The following AAMDC variants were observed in gnomAD, a reference collection of about 807,000 sequenced individuals.
AAMDC encodes the protein mth938 domain-containing protein.
A neutral mutation model predicts 15.5 loss-of-function variants in AAMDC; 16 were observed. That is an observed-to-expected ratio of 1.03 (90% confidence interval 0.70 to 1.57). The LOEUF (loss-of-function observed/expected upper bound fraction) is 1.57, where lower values mean the gene tolerates loss of function less well. Ranked by LOEUF, AAMDC falls within the 40% of genes most tolerant of loss-of-function variation. The pLI is 0.00. For missense variants in AAMDC, 141 were observed against 144.9 expected (o/e 0.97, Z 0.14); for synonymous variants, 51 against 51.6 (o/e 0.99, Z 0.05).
chr11:77,884,068 T>C, intron 5 of AAMDC: 4 of 1,053,400 alleles, frequency 3.8e-6, no homozygotes, highest in Non-Finnish European at 5.5e-6. Flanking sequence ...CCAACTTTAC[T>C]AAGATTGAGC....
At chr11:77,832,831 A>G (rs1053790443) in intron 1 of AAMDC, among the ~76,000 whole-genome samples, 15 of 151,706 alleles carry the variant, frequency 9.9e-5, no homozygotes, top group African/African-American at 3.6e-4. Context: ...AGCAGTCCCT[A>G]ACCTTTTTGG....
At chr11:77,862,166 G>A (rs1223849402) in intron 2 of AAMDC, among the ~76,000 whole-genome samples, 1 of 152,086 alleles carries the variant, frequency 6.6e-6, no homozygotes, top group Non-Finnish European at 1.5e-5. Flanking sequence ...TCCCAGTGAG[G>A]GTCTACACTG....
intron 1 of AAMDC, among the ~76,000 whole-genome samples, chr11:77,834,757 A>C (rs1027279937): frequency 6.6e-6 from 1 of 152,114 alleles, no homozygotes; most frequent in Non-Finnish European, 1.5e-5. Context: ...CTAGGAAAAG[A>C]CTGAATAAGT....
intron 1 of AAMDC, among the ~76,000 whole-genome samples, chr11:77,836,449 A>G (rs918162526): frequency 2.6e-5 from 4 of 152,164 alleles, no homozygotes; most frequent in African/African-American, 9.7e-5. Flanking sequence ...ATCCATTTCC[A>G]AGCCAAAAAG....
At chr11:77,833,560 C>T (rs1323381669) in intron 1 of AAMDC, among the ~76,000 whole-genome samples, 1 of 152,184 alleles carries the variant, frequency 6.6e-6, no homozygotes, top group African/African-American at 2.4e-5. Context: ...CTGCTGCTTA[C>T]CTCCTGTTGT....
intron 5 of AAMDC, among the ~76,000 whole-genome samples, chr11:77,899,660 G>C (rs745451592): frequency 9.3e-5 from 14 of 150,818 alleles, no homozygotes; most frequent in Non-Finnish European, 2.1e-4. Context: ...ACAAGAGCGA[G>C]ACTTTGTCTA....
At chr11:77,827,937 C>A (rs1949253827) in intron 1 of AAMDC, among the ~76,000 whole-genome samples, 2 of 152,226 alleles carry the variant, frequency 1.3e-5, no homozygotes, top group South Asian at 4.2e-4. Context: ...GATAAATACT[C>A]AAAAATCCTG....
chr11:77,865,794 T>C (rs1400539955), intron 2 of AAMDC, among the ~76,000 whole-genome samples: 1 of 152,260 alleles, frequency 6.6e-6, no homozygotes, highest in African/African-American at 2.4e-5. Context: ...ATTCCACTTG[T>C]ATGAAATGTT....
At chr11:77,892,829 C>T (rs549668904) in intron 5 of AAMDC, among the ~76,000 whole-genome samples, 3 of 152,244 alleles carry the variant, frequency 2.0e-5, no homozygotes, top group East Asian at 3.9e-4. Context: ...GTGATCCACC[C>T]GCCTCAGCCT....
intron 5 of AAMDC, chr11:77,894,175 C>T: frequency 1.7e-6 from 1 of 599,936 alleles, no homozygotes; most frequent in South Asian, 2.1e-5. Flanking sequence ...CAGATGATAG[C>T]TTGGCTGCAC....
At chr11:77,889,709 G>A (rs1292910306) in intron 5 of AAMDC, among the ~76,000 whole-genome samples, 1 of 152,190 alleles carries the variant, frequency 6.6e-6, no homozygotes, top group Non-Finnish European at 1.5e-5. Flanking sequence ...CTGGAACAGA[G>A]GAATGACTCC....
intron 1 of AAMDC, among the ~76,000 whole-genome samples, chr11:77,832,791 G>C (rs1399934895): frequency 6.6e-6 from 1 of 151,320 alleles, no homozygotes; most frequent in African/African-American, 2.4e-5. Context: ...TGTTGTCAAA[G>C]AAGAATTCAG....
downstream of AAMDC, among the ~76,000 whole-genome samples, chr11:77,901,738 C>T (rs1790243): frequency 0.61 from 91,598 of 151,056 alleles, 28,368 homozygotes; most frequent in African/African-American, 0.72. Flanking sequence ...ATTTTGCCTA[C>T]TTAAAAAGAA....
At chr11:77,902,376 A>G (rs1430327781), downstream of AAMDC, among the ~76,000 whole-genome samples, 1 of 152,094 alleles carries the variant, frequency 6.6e-6, no homozygotes, top group Non-Finnish European at 1.5e-5. Flanking sequence ...CATCCTTCCA[A>G]TGTGGCTCAA....
intron 2 of AAMDC, among the ~76,000 whole-genome samples, chr11:77,863,591 G>C (rs635195): frequency 0.21 from 32,609 of 152,110 alleles, 3,609 homozygotes; most frequent in Middle Eastern, 0.25. Flanking sequence ...GTTTCACTAT[G>C]TTGGCCAGGA....
rs1952291140 is a variant in AAMDC at position 77,891,983 on chromosome 11, T to A, written c.329-8588T>A. On this transcript the variant is annotated intron_variant, in intron 5 of 5. Transcript: ENST00000304716. ...GCAGTTTACGACCAAGATAGACTGG[T>A]ACCTATACAATCATGCCTCAGTCAC... is the stretch of plus-strand genomic sequence containing the variant. The A allele has an allele frequency of 9.1e-6, 12 of 1,318,088 alleles. 1 individual carries two copies. The South Asian group carries it at 1.7e-4, about 19-fold the overall frequency. 81.6% of individuals were successfully genotyped at this position (1,318,088 alleles called of 1,614,324 possible).
chr11:77,879,522 A>T (rs998258837), intron 5 of AAMDC, among the ~76,000 whole-genome samples: 3 of 152,204 alleles, frequency 2.0e-5, no homozygotes, highest in African/African-American at 7.2e-5. Flanking sequence ...TTCCATCTCA[A>T]GCCTCAGGGC....
At chr11:77,831,922 C>T (rs1949446808) in intron 1 of AAMDC, 1 of 126,524 alleles carries the variant, frequency 7.9e-6, no homozygotes, top group African/African-American at 3.1e-5. Context: ...GTTGGCCAGT[C>T]TGGTCTTGAA....
At chr11:77,865,232 G>A (rs1951057087) in intron 2 of AAMDC, among the ~76,000 whole-genome samples, 1 of 152,186 alleles carries the variant, frequency 6.6e-6, no homozygotes, top group South Asian at 2.1e-4. Flanking sequence ...TGAAGGCCAA[G>A]GTGTTGTAAT....
Sources: gnomAD v4.1 joint callset for allele counts (sites outside exome capture counted in the v4.1 genomes callset) on GRCh38, gnomAD v4.1.1 for gene constraint, MANE v1.5 for transcripts, NCBI Gene and HGNC (gene_info 2026-07-23, HGNC 2026-07-21) for gene names.